Variants in STARD13 observed in about 807,000 individuals in gnomAD.
STARD13 encodes the protein stAR-related lipid transfer protein 13.
In STARD13, 62 loss-of-function variants were observed where a neutral mutation model predicts 106.4. The observed-to-expected ratio is 0.58, with a 90% CI of 0.48 to 0.72. The LOEUF is 0.72. Among genes scored for constraint, STARD13 ranks in the 30% least tolerant of loss-of-function variants. The probability of loss-of-function intolerance (pLI) is 0.00; values close to 1 mark genes in which losing one functional copy is unlikely to be tolerated. For missense variants in STARD13, 1,387 were observed against 1,424.0 expected (o/e 0.97, Z 0.42); for synonymous variants, 565 against 553.0 (o/e 1.02, Z -0.31).
chr13:33,600,698 T>C, the STARD13 span, among the ~76,000 whole-genome samples: 5,570 of 152,314 alleles, frequency 0.037, 261 homozygotes, highest in African/African-American at 0.099. Context: ...ACCAGAAACA[T>C]TGTATGGCTG....
the STARD13 span, among the ~76,000 whole-genome samples, chr13:33,382,457 A>G: frequency 1.3e-5 from 2 of 152,128 alleles, no homozygotes; most frequent in African/African-American, 2.4e-5. Context: ...CATTGATATC[A>G]TCTGTAATTG....
upstream of STARD13, among the ~76,000 whole-genome samples, chr13:33,354,011 G>A (rs188647154): frequency 2.0e-5 from 3 of 152,278 alleles, no homozygotes; most frequent in Admixed American, 2.0e-4. Context: ...CCTTCCGGAT[G>A]GGTATCTCCA....
At chr13:33,435,218 G>A in the STARD13 span, among the ~76,000 whole-genome samples, 3 of 152,142 alleles carry the variant, frequency 2.0e-5, no homozygotes, top group African/African-American at 7.2e-5. Context: ...TAGATGTTTG[G>A]GGAACTTTGC....
intron 1 of STARD13, among the ~76,000 whole-genome samples, chr13:33,251,579 T>G (rs1336750560): frequency 6.6e-6 from 1 of 152,158 alleles, no homozygotes; most frequent in African/African-American, 2.4e-5. Context: ...GCACAAGACA[T>G]CATTATGTCA....
the STARD13 span, among the ~76,000 whole-genome samples, chr13:33,371,245 CT>C: frequency 2.0e-5 from 3 of 152,120 alleles, no homozygotes; most frequent in Admixed American, 2.0e-4. Flanking sequence ...CCCATATCTG[CT>C]CTGGTTAAAC....
chr13:33,252,603 A>G (rs558412854), intron 1 of STARD13, among the ~76,000 whole-genome samples: 1 of 152,188 alleles, frequency 6.6e-6, no homozygotes, highest in Non-Finnish European at 1.5e-5. Context: ...AGGGAAACCA[A>G]TTTTGTCACT....
At chr13:33,405,154 C>T in the STARD13 span, among the ~76,000 whole-genome samples, 5 of 152,206 alleles carry the variant, frequency 3.3e-5, no homozygotes, top group Admixed American at 1.3e-4. Flanking sequence ...ACACAATCCC[C>T]GCCTCCTCCT....
the STARD13 span, among the ~76,000 whole-genome samples, chr13:33,449,542 C>G: frequency 6.6e-6 from 1 of 152,074 alleles, no homozygotes; most frequent in Non-Finnish European, 1.5e-5. Context: ...AGTCTAATGT[C>G]ACCAGGTTTA....
At chr13:33,446,039 A>T in the STARD13 span, among the ~76,000 whole-genome samples, 1 of 152,164 alleles carries the variant, frequency 6.6e-6, no homozygotes, top group Non-Finnish European at 1.5e-5. Flanking sequence ...TATAGGGTTT[A>T]AAAAAAGAAA....
chr13:33,208,739 A>G (rs1887553900), intron 1 of STARD13, among the ~76,000 whole-genome samples: 1 of 152,142 alleles, frequency 6.6e-6, no homozygotes, highest in African/African-American at 2.4e-5. Flanking sequence ...TGAAAACAGG[A>G]AGAGTGCTAG....
At chr13:33,609,837 G>C in the STARD13 span, among the ~76,000 whole-genome samples, 8 of 152,184 alleles carry the variant, frequency 5.3e-5, no homozygotes, top group African/African-American at 1.9e-4. Context: ...CAAAGTGCTG[G>C]GATTACAGGC....
rs75482108 is a variant in STARD13, at chr13:33,312,265, C to T, written c.124+38025G>A. On this transcript the variant is annotated intron_variant, in intron 1 of 5. Transcript: ENST00000567873. ...AAGTCATTGTGTCCTAGGGACAAAACGTTATGTTCCTGTTCCTCTTATTTT... is the reference window on the plus strand; with the variant it reads ...AAGTCATTGTGTCCTAGGGACAAAATGTTATGTTCCTGTTCCTCTTATTTT... Among the ~76,000 whole-genome samples the T allele has an allele frequency of 2.9e-3, 447 of 152,274 alleles. 6 individuals carry two copies. The highest frequency in any genetic ancestry group is 9.7e-3 in the African/African-American group (403 of 41,546).
At chr13:33,332,489 ACT>A (rs1180768229) in intron 1 of STARD13, among the ~76,000 whole-genome samples, 1 of 152,126 alleles carries the variant, frequency 6.6e-6, no homozygotes, top group African/African-American at 2.4e-5. Context: ...GAGATTTCTC[ACT>A]CTCTTTCTGC....
At chr13:33,557,969 G>A in the STARD13 span, among the ~76,000 whole-genome samples, 4 of 152,182 alleles carry the variant, frequency 2.6e-5, no homozygotes, top group Non-Finnish European at 5.9e-5. Context: ...CAATGACAGA[G>A]AAGCACAAGG....
the STARD13 span, among the ~76,000 whole-genome samples, chr13:33,531,191 GGATGGT>G: frequency 6.6e-6 from 1 of 152,152 alleles, no homozygotes; most frequent in Non-Finnish European, 1.5e-5. Context: ...CCTTCCACCA[GGATGGT>G]GAGGCCTCCT....
chr13:33,432,898 G>T, the STARD13 span, among the ~76,000 whole-genome samples: 1 of 152,054 alleles, frequency 6.6e-6, no homozygotes, highest in South Asian at 2.1e-4. Context: ...ATGAAATAAC[G>T]CTTTATTTTC....
intron 1 of STARD13, among the ~76,000 whole-genome samples, chr13:33,221,827 A>G (rs1594126462): frequency 1.3e-5 from 2 of 152,356 alleles, no homozygotes; most frequent in South Asian, 2.1e-4. Flanking sequence ...TGGTATATAC[A>G]TACAATGAAA....
At chr13:33,441,565 C>A in the STARD13 span, among the ~76,000 whole-genome samples, 1 of 152,028 alleles carries the variant, frequency 6.6e-6, no homozygotes, top group African/African-American at 2.4e-5. Flanking sequence ...TGTCCTGAGC[C>A]CCAAGTGTAG....
the STARD13 span, among the ~76,000 whole-genome samples, chr13:33,365,041 G>A: frequency 6.6e-6 from 1 of 152,128 alleles, no homozygotes; most frequent in African/African-American, 2.4e-5. Context: ...TCTGGAGAGA[G>A]GTGACTGCAA....
Sources: allele counts gnomAD v4.1 joint callset (sites outside exome capture counted in the v4.1 genomes callset), GRCh38; gene constraint gnomAD v4.1.1; transcripts MANE v1.5; gene names NCBI Gene and HGNC (gene_info 2026-07-23, HGNC 2026-07-21).